YPEL1: variants seen among roughly 807,000 people sequenced by gnomAD.
YPEL1 encodes the protein protein yippee-like 1.
In YPEL1, 7 loss-of-function variants were observed where a neutral mutation model predicts 17.3. That is an observed-to-expected ratio of 0.40 (90% CI 0.23 to 0.76). YPEL1 has a LOEUF of 0.76. YPEL1 is among the 30% of genes least tolerant of loss of function. YPEL1 has a pLI of 0.35. For missense variants in YPEL1, 91 were observed against 155.5 expected, an observed-to-expected ratio of 0.59 and a Z score of 2.21; for synonymous variants, 59 against 59.6, an observed-to-expected ratio of 0.99 and a Z score of 0.05.
intron 4 of YPEL1, 74 bp from the exon 5 acceptor site, chr22:21,701,292 C>G (rs861816): frequency 1.0e-6 from 1 of 966,464 alleles, no homozygotes. Context: ...TTGGCAAAAA[C>G]CCCCCCCAAG....
chr22:21,731,057 C>T (rs2068380813), intron 1 of YPEL1, among the ~76,000 whole-genome samples: 1 of 152,088 alleles, frequency 6.6e-6, no homozygotes, highest in Non-Finnish European at 1.5e-5. Context: ...TGGGACACAT[C>T]CCAGTAGAGG....
intron 4 of YPEL1, among the ~76,000 whole-genome samples, chr22:21,702,524 G>A (rs1023348691): frequency 2.0e-5 from 3 of 152,142 alleles, no homozygotes; most frequent in Admixed American, 1.3e-4. Context: ...CAGGCAGGCC[G>A]GGCGCGGTGG....
At chr22:21,723,586 T>G (rs1822394498) in intron 1 of YPEL1, among the ~76,000 whole-genome samples, 1 of 152,022 alleles carries the variant, frequency 6.6e-6, no homozygotes, top group Non-Finnish European at 1.5e-5. Context: ...CAGGTTGGTC[T>G]CAAACTCCTG....
At chr22:21,731,113 C>T (rs865836024) in intron 1 of YPEL1, among the ~76,000 whole-genome samples, 1 of 152,112 alleles carries the variant, frequency 6.6e-6, no homozygotes, top group Middle Eastern at 3.2e-3. Context: ...CATGGTGACT[C>T]ATGCCTGTAA....
rs746166160 is a variant in YPEL1 at position 21,703,836 on chromosome 22, C to T, written c.161+3G>A. The T allele has an allele frequency of 6.2e-7, 1 of 1,609,474 alleles. No individual in the cohort carries two copies. The highest frequency in any genetic ancestry group is 8.5e-7 in the Non-Finnish European group (1 of 1,177,928). On this transcript the variant is annotated splice_donor_region_variant and intron_variant, in intron 3 of 4. Coordinates refer to ENST00000339468, the MANE Select transcript of YPEL1 (RefSeq NM_013313.5). The surrounding 1 kb of genome is among the most constrained non-coding windows in gnomAD (Gnocchi z 6.1). ...TCCCCCCGGGCTGAACCAGGGTACT[C>T]ACACGGAATTGAAGAGGTAGGCGCG...
intron 2 of YPEL1, 133 bp downstream of exon 2, chr22:21,710,495 C>T (rs902323205): frequency 8.7e-6 from 7 of 803,764 alleles, no homozygotes; most frequent in African/African-American, 6.7e-5. Flanking sequence ...ACCAATGCTG[C>T]CTAGAAGGCT....
rs1184386703 is a variant in YPEL1 at position 21,703,424 on chromosome 22, A to G, written c.216T>C (p.His72=). ...AEERVLLTGL[H]AVADIYCENC... is the part of the protein sequence containing the mutation. ...TCTCGCAGTAGATGTCGGCAACCGC[A>G]TGCAGCCCGGTGAGAAGGACCCTCT... is the stretch of plus-strand genomic sequence containing the variant. The change falls in exon 4 of 5, where the codon CAT becomes CAC. Residue 72 remains histidine, a synonymous_variant. Coordinates refer to ENST00000339468, the MANE Select transcript of YPEL1 (RefSeq NM_013313.5). The surrounding 1 kb of genome is among the most constrained non-coding windows in gnomAD (Gnocchi z 6.1). The G allele has an allele frequency of 6.2e-7, 1 of 1,613,296 alleles. No homozygotes were observed. Among genetic ancestry groups the G allele is most frequent in the Non-Finnish European group, 8.5e-7 (1 of 1,179,986 alleles).
chr22:21,703,657 AG>A lies in YPEL1; in HGVS notation c.162-180del, dbSNP rs2068086808. Among the ~76,000 whole-genome samples, 1 of 148,232 alleles carries A rather than the reference AG, an allele frequency of 6.7e-6. No individual in the cohort carries two copies. Among genetic ancestry groups the A allele is most frequent in the Admixed American group, 6.8e-5 (1 of 14,692 alleles). On this transcript the variant is annotated intron_variant, in intron 3 of 4. Coordinates refer to ENST00000339468, the MANE Select transcript of YPEL1 (RefSeq NM_013313.5). This position sits in a 1 kb window ranked among gnomAD's most constrained non-coding sequence, Gnocchi z 6.1. ...GCCACCACCATCAATGGGAAAGATC[AG>A]TGATGGGACAGGCTAGGGGGCAAGA...
chr22:21,704,015 G>GT, intron 2 of YPEL1, 133 bp from the exon 3 acceptor site: 1 of 976,272 alleles, frequency 1.0e-6, no homozygotes, highest in Non-Finnish European at 1.6e-6. Flanking sequence ...AGACACCGGC[G>GT]TCCCCCCTCC....
In YPEL1 at chr22:21,703,716, G is replaced by A. The variant is rs1310322068; in HGVS notation, c.161+123C>T. The A allele has an allele frequency of 2.6e-6, 3 of 1,133,332 alleles. No homozygotes were observed. The highest frequency in any genetic ancestry group is 3.8e-6 in the Non-Finnish European group (3 of 798,152). The allele number at this position is 1,133,332 out of a possible 1,614,324, so 70.2% of individuals were successfully genotyped here. ...CGCGTTTCAGAAACTCCCGGCGGGGGGATGGTGGGTTCTTTCAGGACCCCT... is the reference window on the plus strand; with the variant it reads ...CGCGTTTCAGAAACTCCCGGCGGGGAGATGGTGGGTTCTTTCAGGACCCCT... On this transcript the variant is annotated intron_variant, in intron 3 of 4. Transcript: ENST00000339468. This position sits in a 1 kb window ranked among gnomAD's most constrained non-coding sequence, Gnocchi z 6.1.
intron 1 of YPEL1, among the ~76,000 whole-genome samples, chr22:21,713,671 TG>T (rs1418621492): frequency 6.6e-6 from 1 of 152,162 alleles, no homozygotes; most frequent in African/African-American, 2.4e-5. Context: ...TGTACAAAAA[TG>T]TGAATATATT....
intron 2 of YPEL1, 140 bp from the exon 3 acceptor site, chr22:21,704,022 C>T (rs1209969180): frequency 3.4e-6 from 3 of 876,402 alleles, no homozygotes; most frequent in Non-Finnish European, 5.7e-6. Context: ...GGCGTCCCCC[C>T]TCCAGAACTC....
rs1239897578 is a variant in YPEL1 at position 21,728,683 on chromosome 22, ACTGT to A, written c.-165+6928_-165+6931del. Among the ~76,000 whole-genome samples the A allele has an allele frequency of 2.6e-5, 4 of 152,270 alleles. No homozygotes were observed. In the South Asian group the frequency reaches 6.2e-4, roughly 24 times the overall value. ...TGTTCAACTCTGAAGGCACACTCAT[ACTGT>A]CTAACACTTAGCAGGTTGGCAATGA... is the stretch of plus-strand genomic sequence containing the variant. On this transcript the variant is annotated intron_variant, in intron 1 of 4. Transcript: ENST00000339468.
chr22:21,720,631 C>T (rs1469257371), intron 1 of YPEL1, among the ~76,000 whole-genome samples: 2 of 152,044 alleles, frequency 1.3e-5, no homozygotes, highest in Non-Finnish European at 2.9e-5. Context: ...GCTGGGCCTA[C>T]AGGCATGCAC....
chr22:21,703,578 C>A lies in YPEL1; in HGVS notation c.162-100G>T, dbSNP rs1039538876. 92 of 1,131,584 alleles carry A rather than the reference C, an allele frequency of 8.1e-5. No homozygotes were observed. Among genetic ancestry groups the A allele is most frequent in the Non-Finnish European group, 1.2e-4 (90 of 775,912 alleles). 70.1% of individuals were successfully genotyped at this position (1,131,584 alleles called of 1,614,324 possible). A position where few individuals can be genotyped will look rare whatever the true frequency, so the allele number is the denominator to read the frequency against. On this transcript the variant is annotated intron_variant, in intron 3 of 4. Coordinates refer to ENST00000339468, the MANE Select transcript of YPEL1 (RefSeq NM_013313.5). This position sits in a 1 kb window ranked among gnomAD's most constrained non-coding sequence, Gnocchi z 6.1. ...CACCCCATCCTCCTAAGAGTTCCCCCAAAACAGGGAAACTCCCAGAGAGCA... is the reference window on the plus strand; with the variant it reads ...CACCCCATCCTCCTAAGAGTTCCCCAAAAACAGGGAAACTCCCAGAGAGCA...
At chr22:21,729,712 GGAT>G (rs972694359) in intron 1 of YPEL1, among the ~76,000 whole-genome samples, 2 of 152,216 alleles carry the variant, frequency 1.3e-5, no homozygotes, top group Admixed American at 1.3e-4. Context: ...GCACAGCCCT[GGAT>G]GGGGGTTCAT....
rs861814 is a variant in YPEL1, at chr22:21,703,711, C to A, written c.161+128G>T. 1.5e-5 allele frequency: 16 copies of A among 1,039,578 alleles called. No homozygotes were observed. The highest frequency in any genetic ancestry group is 3.1e-5 in the South Asian group (2 of 63,554). The allele number at this position is 1,039,578 out of a possible 1,614,324, so 64.4% of individuals were successfully genotyped here. On this transcript the variant is annotated intron_variant, in intron 3 of 4. Transcript: ENST00000339468. This position sits in a 1 kb window ranked among gnomAD's most constrained non-coding sequence, Gnocchi z 6.1. ...CTTAGCGCGTTTCAGAAACTCCCGG[C>A]GGGGGGATGGTGGGTTCTTTCAGGA...
chr22:21,705,282 A>G (rs1044075957), intron 2 of YPEL1, among the ~76,000 whole-genome samples: 4 of 152,170 alleles, frequency 2.6e-5, no homozygotes, highest in Non-Finnish European at 4.4e-5. Context: ...CCTGGCTTAC[A>G]TTACAGTTTA....
chr22:21,728,849 A>T (rs926827086), intron 1 of YPEL1, among the ~76,000 whole-genome samples: 39 of 152,122 alleles, frequency 2.6e-4, no homozygotes, highest in Non-Finnish European at 2.6e-4. Context: ...GTCTCTACAA[A>T]AAAATACAAA....
Sources: allele counts gnomAD v4.1 joint callset (sites outside exome capture counted in the v4.1 genomes callset), GRCh38; gene constraint gnomAD v4.1.1; non-coding constraint Gnocchi (gnomAD v3.1); transcripts MANE v1.5; gene names NCBI Gene and HGNC (gene_info 2026-07-23, HGNC 2026-07-21).